The following LRRK1 variants were observed in gnomAD, a reference collection of about 807,000 sequenced individuals.
The protein encoded by LRRK1 is leucine-rich repeat serine/threonine-protein kinase 1.
Under a neutral mutation model 209.1 loss-of-function variants are expected in LRRK1, and 113 were observed. The observed-to-expected ratio is 0.54, with a 90% CI of 0.46 to 0.63. LRRK1 has a LOEUF of 0.63. Ranked by LOEUF, LRRK1 falls within the 30% of genes least tolerant of loss-of-function variation. The probability of loss-of-function intolerance (pLI) is 0.00; values close to 1 mark genes in which losing one functional copy is unlikely to be tolerated. For synonymous variants in LRRK1, 1,144 were observed against 1,099.7 expected (o/e 1.04, Z -0.80); for missense variants, 2,284 against 2,632.2 (o/e 0.87, Z 2.89).
chr15:101,033,479 A>G lies in LRRK1; in HGVS notation c.2963+4247A>G, dbSNP rs117287513. 5.4e-3 allele frequency among the ~76,000 whole-genome samples: 822 copies of G among 152,176 alleles called. 5 individuals carry two copies. The highest frequency in any genetic ancestry group is 6.5e-3 in the Non-Finnish European group (440 of 67,996). On this transcript the variant is annotated intron_variant, in intron 20 of 33. Transcript: ENST00000388948. The stretch of plus-strand genomic sequence containing the variant: ...TCATGCTATTTTCTATCTTCATAAG[A>G]TCAAGTTTTTTAGCTCCCACATATG...
chr15:100,960,870 G>A (rs1255290404), intron 2 of LRRK1, among the ~76,000 whole-genome samples: 1 of 152,118 alleles, frequency 6.6e-6, no homozygotes, highest in African/African-American at 2.4e-5. Context: ...ATTAATGGAG[G>A]GATTGGTTTC....
chr15:101,062,670 G>A lies in LRRK1; in HGVS notation c.4894G>A (p.Ala1632Thr). The A allele has an allele frequency of 6.2e-7, 1 of 1,613,782 alleles. No homozygotes were observed. The highest frequency in any genetic ancestry group is 8.5e-7 in the Non-Finnish European group (1 of 1,179,646). The change falls in exon 31 of 34, where the codon GCC becomes ACC. Residue 1632 changes from alanine to threonine, a missense_variant. Transcript: ENST00000388948. The stretch of plus-strand genomic sequence containing the variant: ...TCCAGCTGTCGTCACCTGCTTCTTG[G>A]CCGTGCCTGTTATTAAAAAGGTGAG... ...DTPAVVTCFL[A>T]VPVIKKNSYL...
intron 2 of LRRK1, among the ~76,000 whole-genome samples, chr15:100,967,566 G>A (rs1032714824): frequency 6.8e-5 from 1 of 14,650 alleles, no homozygotes. Context: ...TCCAAAGGGA[G>A]CTCTTTGGTG....
rs574523032 is a variant in LRRK1, at chr15:101,016,645, T to C, written c.1609+1243T>C. Among the ~76,000 whole-genome samples, 8 of 152,314 alleles carry C rather than the reference T, an allele frequency of 5.3e-5. No individual in the cohort carries two copies. In the South Asian group the frequency reaches 1.7e-3, roughly 32 times the overall value. ...GTGGGGGGCGGGGGACACAGTTCAA[T>C]CCATGGCATAGGGACTGACTGATTT... On this transcript the variant is annotated intron_variant, in intron 12 of 33. Coordinates refer to ENST00000388948, the MANE Select transcript of LRRK1 (RefSeq NM_024652.6).
rs1398306113 is a variant in LRRK1 at position 101,012,133 on chromosome 15, T to G, written c.1407T>G (p.Leu469=). ...ENALKEVPLG[L]FQLDALMFLR... ...CACTCAAAGAAGTTCCCCTGGGACT[T>G]TTCCAGCTTGATGTAAGCCTAATAG... is the stretch of plus-strand genomic sequence containing the variant. The change falls in exon 10 of 34, where the codon CTT becomes CTG. Residue 469 remains leucine (L), a synonymous_variant. Transcript: ENST00000388948. 3 of 1,607,036 alleles carry G rather than the reference T, an allele frequency of 1.9e-6. No homozygotes were observed. Among genetic ancestry groups the G allele is most frequent in the Non-Finnish European group, 1.7e-6 (2 of 1,178,340 alleles).
chr15:100,963,304 C>T (rs2030206539), intron 2 of LRRK1, among the ~76,000 whole-genome samples: 1 of 152,172 alleles, frequency 6.6e-6, no homozygotes, highest in Admixed American at 6.5e-5. Context: ...TCTGAAGCAC[C>T]AGCAGGTATT....
chr15:100,968,074 C>G (rs954053052), intron 2 of LRRK1, among the ~76,000 whole-genome samples: 5 of 152,192 alleles, frequency 3.3e-5, no homozygotes, highest in African/African-American at 1.2e-4. Context: ...ACGATCCACC[C>G]TTCTGATTTT....
At chr15:100,944,816 T>C (rs1166868549) in intron 2 of LRRK1, among the ~76,000 whole-genome samples, 1 of 152,252 alleles carries the variant, frequency 6.6e-6, no homozygotes, top group Non-Finnish European at 1.5e-5. Flanking sequence ...GAAAATGTCA[T>C]ACGGTCTTAT....
intron 20 of LRRK1, among the ~76,000 whole-genome samples, chr15:101,042,483 T>C (rs2034812884): frequency 6.6e-6 from 1 of 152,108 alleles, no homozygotes; most frequent in African/African-American, 2.4e-5. Flanking sequence ...CCCAGGGGCC[T>C]CTGAGAAGCC....
chr15:101,006,675 G>A (rs951281138), intron 6 of LRRK1, among the ~76,000 whole-genome samples: 52 of 151,942 alleles, frequency 3.4e-4, no homozygotes, highest in Non-Finnish European at 1.0e-4. Flanking sequence ...AAGTATTTAC[G>A]GGTGAAGCAT....
chr15:101,066,661 C>T lies in LRRK1; in HGVS notation c.5790C>T (p.Val1930=). 1.2e-6 allele frequency: 2 copies of T among 1,614,222 alleles called. No homozygotes were observed. The highest frequency in any genetic ancestry group is 1.7e-6 in the Non-Finnish European group (2 of 1,180,022). The stretch of plus-strand genomic sequence containing the variant: ...TTAGGCGCGGTGGAGATGTTATCGT[C>T]ATTGGCCTGGAGAAGGATTCTGGCG... ...WVPRRGGDVI[V]IGLEKDSGAQ... Residue 1930 remains valine (V), a synonymous_variant, in exon 33 of 34, where the codon GTC becomes GTT. Transcript: ENST00000388948.
rs779620336 is a variant in LRRK1 at position 101,053,409 on chromosome 15, A to C, written c.4043A>C (p.Glu1348Ala). ...AGCAGCCTCAACACCGTGCTGTCCG[A>C]GAACGCCAGAGGTACCGCGGCGCGC... ...PLSSLNTVLSENARDSSFIPL... is the reference protein window; with the variant it reads ...PLSSLNTVLSANARDSSFIPL... Residue 1348 changes from glutamate (E) to alanine (A), a missense_variant, in exon 26 of 34, where the codon GAG becomes GCG. Around this residue, in one of 6 missense-constraint regions of LRRK1, gnomAD observed 780 missense variants for 985.2 expected, o/e 0.79. Transcript: ENST00000388948. 20 of 1,593,672 alleles carry C rather than the reference A, an allele frequency of 1.3e-5. No homozygotes were observed. The highest frequency in any genetic ancestry group is 2.7e-5 in the African/African-American group (2 of 74,752).
chr15:101,004,983 C>A (rs1428698759), intron 6 of LRRK1, among the ~76,000 whole-genome samples: 1 of 152,228 alleles, frequency 6.6e-6, no homozygotes, highest in African/African-American at 2.4e-5. Flanking sequence ...AAGCCAAAAC[C>A]ATAACCAGCC....
At chr15:100,992,867 C>T (rs7176431) in intron 6 of LRRK1, among the ~76,000 whole-genome samples, 6,479 of 152,280 alleles carry the variant, frequency 0.043, 464 homozygotes, top group African/African-American at 0.15. Context: ...TGGGATTTCA[C>T]CATGTTGGTC....
rs906792970 is a variant in LRRK1 at position 101,077,801 on chromosome 15, T to A, written c.*8953T>A. The stretch of plus-strand genomic sequence containing the variant: ...CGCTGCCCCAACACTTCGACACTAT[T>A]TTGTTTTATTTTTCTTATTAATATA... On this transcript the variant is annotated 3_prime_UTR_variant, in exon 34 of 34. Transcript: ENST00000388948. 16 of 151,906 alleles carry A rather than the reference T, an allele frequency of 1.1e-4. No homozygotes were observed. The highest frequency in any genetic ancestry group is 3.4e-4 in the African/African-American group (14 of 41,350). 9.4% of individuals were successfully genotyped at this position (151,906 alleles called of 1,614,324 possible). A position where few individuals can be genotyped will look rare whatever the true frequency, so the allele number is the denominator to read the frequency against.
At position 101,027,594 on chromosome 15, in the gene LRRK1, G is replaced by A. The variant is rs763957972; in HGVS notation, c.2527-44G>A. On this transcript the variant is annotated intron_variant, in intron 18 of 33. Coordinates refer to ENST00000388948, the MANE Select transcript of LRRK1 (RefSeq NM_024652.6). The surrounding 1 kb of genome is among the most constrained non-coding windows in gnomAD (Gnocchi z 5.1). Reference sequence around the variant, plus strand: ...AGGATCTGCCCAAGCTGGCAGGTGTGCCTTGGGACCTGAGAGACCCTGCCT... The same window carrying A: ...AGGATCTGCCCAAGCTGGCAGGTGTACCTTGGGACCTGAGAGACCCTGCCT... 3 of 1,593,230 alleles carry A rather than the reference G, an allele frequency of 1.9e-6. No individual in the cohort carries two copies. The highest frequency in any genetic ancestry group is 2.3e-5 in the South Asian group (2 of 87,988).
intron 29 of LRRK1, among the ~76,000 whole-genome samples, chr15:101,059,707 T>A (rs559734137): frequency 1.1e-4 from 16 of 152,232 alleles, no homozygotes; most frequent in African/African-American, 3.9e-4. Context: ...TAAACACAAA[T>A]ATCTCAGTTC....
chr15:101,045,349 G>A (rs775896691), intron 20 of LRRK1, among the ~76,000 whole-genome samples: 47 of 152,276 alleles, frequency 3.1e-4, no homozygotes, highest in Middle Eastern at 3.4e-3. Context: ...TGGTTTTCGG[G>A]CACCCTTTTG....
chr15:101,035,406 T>G (rs979420076), intron 20 of LRRK1, among the ~76,000 whole-genome samples: 1 of 152,146 alleles, frequency 6.6e-6, no homozygotes, highest in African/African-American at 2.4e-5. Flanking sequence ...TTATCATTTC[T>G]TCTTTGTCTT....
Sources: gnomAD v4.1 joint callset for allele counts (sites outside exome capture counted in the v4.1 genomes callset) on GRCh38, gnomAD v4.1.1 for gene constraint, gnomAD v4.1.1 regional missense constraint, Gnocchi (gnomAD v3.1) non-coding constraint, MANE v1.5 for transcripts, NCBI Gene and HGNC (gene_info 2026-07-23, HGNC 2026-07-21) for gene names.